The following MEIG1 variants were observed in gnomAD, a reference collection of about 807,000 sequenced individuals.
MEIG1 encodes meiosis expressed gene 1 protein homolog.
MEIG1 carries 12 observed loss-of-function variants against 11.3 expected under a neutral mutation model. The observed-to-expected ratio is 1.07, with a 90% CI of 0.68 to 1.73. The LOEUF (loss-of-function observed/expected upper bound fraction) is 1.73. Ranked by LOEUF, MEIG1 falls within the 40% of genes most tolerant of loss-of-function variation. The pLI, the probability that MEIG1 is intolerant of heterozygous loss-of-function variation, is 0.00. For synonymous variants in MEIG1, 41 were observed against 33.2 expected (o/e 1.24, Z -0.81); for missense variants, 119 against 104.9 (o/e 1.13, Z -0.59).
At chr10:14,961,052 T>C (rs942023253) in intron 1 of MEIG1, among the ~76,000 whole-genome samples, 4 of 151,956 alleles carry the variant, frequency 2.6e-5, no homozygotes, top group Non-Finnish European at 4.4e-5. Flanking sequence ...AATAAATAAA[T>C]AAAATAACAT....
At chr10:14,963,139 C>T (rs1482180296) in intron 1 of MEIG1, among the ~76,000 whole-genome samples, 1 of 151,832 alleles carries the variant, frequency 6.6e-6, no homozygotes, top group Non-Finnish European at 1.5e-5. Flanking sequence ...TCTTGTTGCC[C>T]AGGCTGGAGT....
chr10:14,976,054 G>A (rs549716048), downstream of MEIG1, among the ~76,000 whole-genome samples: 41 of 151,930 alleles, frequency 2.7e-4, no homozygotes, highest in Admixed American at 1.8e-3. Flanking sequence ...GGGGGGGACC[G>A]GGGGGTGATA....
chr10:14,963,257 C>T (rs977734207), intron 1 of MEIG1, among the ~76,000 whole-genome samples: 1 of 152,028 alleles, frequency 6.6e-6, no homozygotes, highest in African/African-American at 2.4e-5. Context: ...CCACCACGCC[C>T]GGCTAATTTT....
At chr10:14,966,878 C>T (rs940355795) in intron 2 of MEIG1, among the ~76,000 whole-genome samples, 2 of 152,114 alleles carry the variant, frequency 1.3e-5, no homozygotes, top group African/African-American at 4.8e-5. Context: ...GGATCACAGG[C>T]GTGCACCACC....
intron 1 of MEIG1, among the ~76,000 whole-genome samples, chr10:14,983,465 A>G (rs1210896103): frequency 6.6e-6 from 1 of 152,016 alleles, no homozygotes; most frequent in African/African-American, 2.4e-5. Context: ...CAGGAGGTGT[A>G]CACCCATCCT....
At chr10:14,971,336 G>A (rs1243119666) in intron 2 of MEIG1, among the ~76,000 whole-genome samples, 2 of 149,990 alleles carry the variant, frequency 1.3e-5, no homozygotes, top group East Asian at 1.9e-4. Context: ...TTTGAGACCA[G>A]CCTGGGCAAC....
the MEIG1 span, chr10:14,954,376 C>G: frequency 1.1e-5 from 4 of 370,084 alleles, no homozygotes; most frequent in African/African-American, 2.1e-5. Flanking sequence ...GCAGGTGGCC[C>G]CAGCCGACGA....
At position 14,972,506 on chromosome 10, in the gene MEIG1, T is replaced by C. The variant is rs760291063; in HGVS notation, c.139-7T>C. 1.9e-6 allele frequency: 3 copies of C among 1,613,908 alleles called. No individual in the cohort carries two copies. The highest frequency in any genetic ancestry group is 1.7e-5 in the Admixed American group (1 of 60,004). On this transcript the variant is annotated splice_region_variant and splice_polypyrimidine_tract_variant and intron_variant, in intron 2 of 2. Transcript: ENST00000407572. ...GTAACGTTTGTACTCTGGTTCTTGA[T>C]GTGCAGGTAGATCGTTGGCCGGAGA...
intron 1 of MEIG1, among the ~76,000 whole-genome samples, chr10:14,979,538 G>T (rs915312250): frequency 6.6e-6 from 1 of 152,014 alleles, no homozygotes; most frequent in Non-Finnish European, 1.5e-5. Context: ...TGTACACCCT[G>T]TGTTATTATT....
chr10:14,979,340 G>T (rs1038155563), intron 1 of MEIG1, among the ~76,000 whole-genome samples: 2 of 151,820 alleles, frequency 1.3e-5, no homozygotes, highest in Non-Finnish European at 2.9e-5. Context: ...GTCACAGGAG[G>T]TGTACACCCT....
Position 14,979,043 on chromosome 10 carries a change from T to G in MEIG1, n.66+6423T>G, listed in dbSNP as rs142626639. ...TTATTCGTAATATCCTGGTGGGATG[T>G]TACTACTAATGCCACAATACGTGTA... On this transcript the variant is annotated intron_variant and non_coding_transcript_variant, in intron 1 of 2. Transcript: ENST00000467536. 4.3e-3 allele frequency among the ~76,000 whole-genome samples: 656 copies of G among 152,142 alleles called. 8 individuals carry two copies. Among genetic ancestry groups the G allele is most frequent in the African/African-American group, 0.015 (612 of 41,478 alleles).
At chr10:14,961,400 G>T (rs1843010919) in intron 1 of MEIG1, among the ~76,000 whole-genome samples, 1 of 152,156 alleles carries the variant, frequency 6.6e-6, no homozygotes, top group Non-Finnish European at 1.5e-5. Context: ...ATATAATTCA[G>T]TTTCACAAAC....
Position 14,966,407 on chromosome 10 carries a change from A to G in MEIG1, c.-29-33A>G, listed in dbSNP as rs995876554. On this transcript the variant is annotated intron_variant, in intron 1 of 2. Transcript: ENST00000407572. ...GGAATTTCAAAATTGTCACTATTACATTATCCATTAATGTTGTTTTAACAT... is the reference window on the plus strand; with the variant it reads ...GGAATTTCAAAATTGTCACTATTACGTTATCCATTAATGTTGTTTTAACAT... 1.9e-5 allele frequency: 28 copies of G among 1,470,366 alleles called. 1 individual carries two copies. The highest frequency in any genetic ancestry group is 7.2e-5 in the African/African-American group (5 of 69,520). The allele number at this position is 1,470,366 out of a possible 1,614,324, so 91.1% of individuals were successfully genotyped here. A position where few individuals can be genotyped will look rare whatever the true frequency, so the allele number is the denominator to read the frequency against.
intron 1 of MEIG1, among the ~76,000 whole-genome samples, chr10:14,965,701 A>G (rs549301177): frequency 2.2e-4 from 33 of 147,484 alleles, no homozygotes; most frequent in Admixed American, 1.2e-3. Flanking sequence ...AGAGAGAGAG[A>G]GAGAGAGAGA....
intron 1 of MEIG1, among the ~76,000 whole-genome samples, chr10:14,980,139 A>C (rs1467253746): frequency 6.6e-6 from 1 of 151,984 alleles, no homozygotes; most frequent in African/African-American, 2.4e-5. Flanking sequence ...TAATATCCTA[A>C]GGGGATGTTA....
At chr10:14,968,152 C>A (rs2131269619) in intron 2 of MEIG1, among the ~76,000 whole-genome samples, 1 of 152,072 alleles carries the variant, frequency 6.6e-6, no homozygotes, top group East Asian at 1.9e-4. Flanking sequence ...TCTTCTTTTT[C>A]TTTTATTCTA....
intron 1 of MEIG1, among the ~76,000 whole-genome samples, chr10:14,963,600 A>G (rs1843040556): frequency 6.6e-6 from 1 of 152,172 alleles, no homozygotes; most frequent in East Asian, 1.9e-4. Context: ...GCATTAAAGG[A>G]CAAAGGTTTC....
At chr10:14,984,013 G>T (rs897426062) in intron 1 of MEIG1, among the ~76,000 whole-genome samples, 1 of 152,118 alleles carries the variant, frequency 6.6e-6, no homozygotes, top group East Asian at 1.9e-4. Flanking sequence ...CCGAGATATT[G>T]TTCTTAATAT....
At chr10:14,976,688 C>T (rs1459388145), downstream of MEIG1, among the ~76,000 whole-genome samples, 2 of 151,716 alleles carry the variant, frequency 1.3e-5, no homozygotes, top group Non-Finnish European at 2.9e-5. Flanking sequence ...GGGATGTTAC[C>T]CCTAATGTCA....
Sources: allele counts gnomAD v4.1 joint callset (sites outside exome capture counted in the v4.1 genomes callset), GRCh38; gene constraint gnomAD v4.1.1; transcripts MANE v1.5; gene names NCBI Gene and HGNC (gene_info 2026-07-23, HGNC 2026-07-21).